Variants in THSD7B observed in about 807,000 individuals in gnomAD.
The protein encoded by THSD7B is thrombospondin type-1 domain-containing protein 7B.
In THSD7B, 138 loss-of-function variants were observed where a neutral mutation model predicts 213.6. That is an observed-to-expected ratio of 0.65 (90% CI 0.56 to 0.74). The LOEUF (loss-of-function observed/expected upper bound fraction) is 0.74. Ranked by LOEUF, THSD7B falls within the 30% of genes least tolerant of loss-of-function variation. THSD7B has a pLI of 0.00. For missense variants in THSD7B, 1,931 were observed against 1,991.5 expected (o/e 0.97, Z 0.58); for synonymous variants, 742 against 687.0 (o/e 1.08, Z -1.25).
chr2:136,847,499 C>G (rs1269580033), intron 1 of THSD7B, among the ~76,000 whole-genome samples: 1 of 152,118 alleles, frequency 6.6e-6, no homozygotes, highest in African/African-American at 2.4e-5. Context: ...GGCCCCATGG[C>G]TTTCTGATAA....
chr2:137,582,926 T>C (rs1681614900), intron 17 of THSD7B, among the ~76,000 whole-genome samples: 1 of 152,194 alleles, frequency 6.6e-6, no homozygotes, highest in Non-Finnish European at 1.5e-5. Flanking sequence ...CTCTCTTCCA[T>C]AATGGTTAAA....
rs1452734735 is a variant in THSD7B at position 137,074,420 on chromosome 2, T to C, written c.950+17190T>C. On this transcript the variant is annotated intron_variant, in intron 3 of 27. Transcript: ENST00000409968. ...CTAGGATTGCAACCCCTGCCTTTTT[T>C]TGTTTTCCATTTGCTTGGTAGATCT... 3.3e-5 allele frequency among the ~76,000 whole-genome samples: 5 copies of C among 152,168 alleles called. No homozygotes were observed. The East Asian group carries it at 7.7e-4, about 23-fold the overall frequency.
intron 1 of THSD7B, among the ~76,000 whole-genome samples, chr2:136,866,857 A>G (rs1683342338): frequency 6.6e-6 from 1 of 152,212 alleles, no homozygotes; most frequent in Non-Finnish European, 1.5e-5. Context: ...TCTGTGAGAA[A>G]TGGAATTTTG....
chr2:137,292,732 A>T (rs1228960599), intron 12 of THSD7B, among the ~76,000 whole-genome samples: 2 of 152,130 alleles, frequency 1.3e-5, no homozygotes, highest in East Asian at 3.8e-4. Flanking sequence ...TGTTGGGCTT[A>T]AAAGATCCTC....
At chr2:137,144,211 G>GC (rs971182494) in intron 5 of THSD7B, among the ~76,000 whole-genome samples, 1 of 151,998 alleles carries the variant, frequency 6.6e-6, no homozygotes, top group African/African-American at 2.4e-5. Context: ...GCTCCAACCT[G>GC]CCCCCTTGGT....
At chr2:137,411,163 A>G (rs1343420403) in intron 13 of THSD7B, among the ~76,000 whole-genome samples, 1 of 152,234 alleles carries the variant, frequency 6.6e-6, no homozygotes, top group Admixed American at 6.5e-5. Context: ...GACCAAAATG[A>G]GTTTAACTTT....
At chr2:136,778,148 T>A (rs1389915193) in intron 1 of THSD7B, among the ~76,000 whole-genome samples, 1 of 152,192 alleles carries the variant, frequency 6.6e-6, no homozygotes, top group Non-Finnish European at 1.5e-5. Flanking sequence ...AGTTCTACAT[T>A]TGCTTTCACC....
intron 1 of THSD7B, among the ~76,000 whole-genome samples, chr2:136,849,775 G>T (rs933671820): frequency 2.8e-4 from 43 of 152,080 alleles, no homozygotes; most frequent in Non-Finnish European, 1.2e-4. Flanking sequence ...TAGAAAAATT[G>T]TTTAGATATT....
intron 1 of THSD7B, among the ~76,000 whole-genome samples, chr2:136,872,844 G>A (rs1683456948): frequency 7.2e-6 from 1 of 138,540 alleles, no homozygotes; most frequent in Non-Finnish European, 1.5e-5. Context: ...AAAAAGCCAG[G>A]CATGGTGGCA....
chr2:137,221,587 T>C (rs1573895235), intron 7 of THSD7B, among the ~76,000 whole-genome samples: 2 of 152,376 alleles, frequency 1.3e-5, no homozygotes, highest in East Asian at 3.9e-4. Flanking sequence ...ACTTTGTTTT[T>C]CCATTTCAAG....
intron 2 of THSD7B, among the ~76,000 whole-genome samples, chr2:136,919,110 G>T (rs553047): frequency 6.6e-6 from 1 of 151,932 alleles, no homozygotes; most frequent in Admixed American, 6.5e-5. Context: ...CAAATGATGT[G>T]TTCCTTAAAA....
intron 15 of THSD7B, chr2:137,479,405 G>A (rs571798656): frequency 7.0e-6 from 2 of 285,330 alleles, no homozygotes; most frequent in African/African-American, 2.2e-5. Flanking sequence ...CTGTCCTCTG[G>A]CTTCCCAGTG....
intron 3 of THSD7B, among the ~76,000 whole-genome samples, chr2:137,081,027 G>C (rs935288209): frequency 6.6e-6 from 1 of 152,128 alleles, no homozygotes; most frequent in Non-Finnish European, 1.5e-5. Context: ...ATGTTACTCT[G>C]TTGCAGCCTT....
chr2:136,874,480 T>C (rs933841254), intron 1 of THSD7B, among the ~76,000 whole-genome samples: 9 of 152,218 alleles, frequency 5.9e-5, no homozygotes, highest in African/African-American at 2.2e-4. Flanking sequence ...GAGATGGCGC[T>C]ATGGAGATGT....
chr2:136,869,580 C>T (rs192507969), intron 1 of THSD7B, among the ~76,000 whole-genome samples: 58 of 152,242 alleles, frequency 3.8e-4, no homozygotes, highest in African/African-American at 1.3e-3. Flanking sequence ...TAATGTAAAA[C>T]GGTCCTACCA....
At chr2:136,929,187 T>A (rs375519479) in intron 2 of THSD7B, among the ~76,000 whole-genome samples, 4 of 152,212 alleles carry the variant, frequency 2.6e-5, no homozygotes, top group African/African-American at 9.6e-5. Flanking sequence ...CCGTTTGCTC[T>A]GTTTCTTGTA....
chr2:137,379,066 A>G (rs1176929340), intron 12 of THSD7B, among the ~76,000 whole-genome samples: 3 of 152,220 alleles, frequency 2.0e-5, no homozygotes, highest in African/African-American at 7.2e-5. Context: ...AGAGGGCTAC[A>G]GGGCTCAACA....
chr2:137,615,533 A>T (rs891734124), intron 17 of THSD7B, among the ~76,000 whole-genome samples: 1 of 152,192 alleles, frequency 6.6e-6, no homozygotes. Flanking sequence ...ACAGGAGGAC[A>T]TGTGGAGCCA....
At chr2:136,856,259 T>A (rs1296806277) in intron 1 of THSD7B, among the ~76,000 whole-genome samples, 1 of 152,140 alleles carries the variant, frequency 6.6e-6, no homozygotes. Flanking sequence ...CTTGGGCATT[T>A]AGAGAGTTGG....
Sources: gnomAD v4.1 joint callset for allele counts (sites outside exome capture counted in the v4.1 genomes callset) on GRCh38, gnomAD v4.1.1 for gene constraint, MANE v1.5 for transcripts, NCBI Gene and HGNC (gene_info 2026-07-23, HGNC 2026-07-21) for gene names.